YTHDC2: variants seen among roughly 807,000 people sequenced by gnomAD.
YTHDC2 encodes the protein 3'-5' RNA helicase YTHDC2.
In YTHDC2, 45 loss-of-function variants were observed where a neutral mutation model predicts 174.9. The ratio of observed to expected loss-of-function variants is 0.26; its 90% CI spans 0.20 to 0.33. The LOEUF is 0.33. YTHDC2 is among the 10% of genes least tolerant of loss of function. YTHDC2 has a pLI of 1.00. For missense variants in YTHDC2, 1,650 were observed against 1,723.7 expected (o/e 0.96, Z 0.76); for synonymous variants, 657 against 574.5 (o/e 1.14, Z -2.05).
intron 26 of YTHDC2, among the ~76,000 whole-genome samples, chr5:113,586,461 G>T (rs199939983): frequency 6.6e-6 from 1 of 151,968 alleles, no homozygotes; most frequent in South Asian, 2.1e-4. Flanking sequence ...TATGTGGCTT[G>T]TCTTTCCATT....
At chr5:113,548,462 A>G in intron 10 of YTHDC2, 79 bp from the exon 11 acceptor site, 2 of 1,389,858 alleles carry the variant, frequency 1.4e-6, no homozygotes, top group South Asian at 1.4e-5. Flanking sequence ...CAGTTCTGCT[A>G]TTTCAGATTT....
At chr5:113,562,024 C>T (rs1003877646) in intron 18 of YTHDC2, among the ~76,000 whole-genome samples, 1 of 144,070 alleles carries the variant, frequency 6.9e-6, no homozygotes, top group Non-Finnish European at 1.5e-5. Flanking sequence ...CTTCATGGAA[C>T]AGCCAGACCC....
rs141462708 is a variant in YTHDC2 at position 113,533,296 on chromosome 5, A to G, written c.842+251A>G. ...GGTGGCTCATGCCTGTAGTCCCAGT[A>G]CTTTGGGAGGCCGAGGCGGGTGGAT... On this transcript the variant is annotated intron_variant, in intron 5 of 29. Transcript: ENST00000161863. Among the ~76,000 whole-genome samples the G allele has an allele frequency of 8.5e-3, 1,292 of 152,168 alleles. 20 individuals are homozygous for G. Among genetic ancestry groups the G allele is most frequent in the African/African-American group, 0.03 (1,242 of 41,518 alleles).
Position 113,578,145 on chromosome 5 carries a change from C to CT in YTHDC2, c.3245-1437dup, listed in dbSNP as rs576547678. 2.9e-3 allele frequency among the ~76,000 whole-genome samples: 439 copies of CT among 152,042 alleles called. 3 individuals carry two copies. Among genetic ancestry groups the CT allele is most frequent in the African/African-American group, 9.9e-3 (410 of 41,494 alleles). ...AATGTTAATTTTAATAAAAGTGTCCCTTTTAAATAACGGAATAGTGTTTGT... is the reference window on the plus strand; with the variant it reads ...AATGTTAATTTTAATAAAAGTGTCCCTTTTTAAATAACGGAATAGTGTTTGT... On this transcript the variant is annotated intron_variant, in intron 23 of 29. Coordinates refer to ENST00000161863, the MANE Select transcript of YTHDC2 (RefSeq NM_022828.5).
intron 26 of YTHDC2, among the ~76,000 whole-genome samples, chr5:113,586,982 TAA>T (rs1181236661): frequency 0.039 from 635 of 16,126 alleles, 31 homozygotes; most frequent in African/African-American, 0.11. Context: ...TATTCATATA[TAA>T]TATATAAATA....
chr5:113,553,987 G>A lies in YTHDC2; in HGVS notation c.2098G>A (p.Val700Ile), dbSNP rs1265552244. The A allele has an allele frequency of 1.3e-6, 2 of 1,577,860 alleles. No homozygotes were observed. The change falls in exon 16 of 30, where the codon GTT (valine) becomes ATT (isoleucine). Residue 700 changes from valine to isoleucine, a missense_variant. Around this residue, in one of 5 missense-constraint regions of YTHDC2, gnomAD observed 913 missense variants for 940.4 expected, o/e 0.97. Transcript: ENST00000161863. ...IAETSITVND[V>I]VFVIDSGKVK... The stretch of plus-strand genomic sequence containing the variant: ...TGAAACCAGCATCACAGTCAATGAT[G>A]TTGTCTTTGTTATTGATTCTGGTAA...
rs141889178 is a variant in YTHDC2 at position 113,592,282 on chromosome 5, C to T, written c.4212+104C>T. Reference sequence around the variant, plus strand: ...AATGTAAGAGTACAAATTTTATATTCCATATGCACATGGGAAACAGGGGTT... The same window carrying T: ...AATGTAAGAGTACAAATTTTATATTTCATATGCACATGGGAAACAGGGGTT... On this transcript the variant is annotated intron_variant, in intron 28 of 29. Coordinates refer to ENST00000161863, the MANE Select transcript of YTHDC2 (RefSeq NM_022828.5). 247 of 1,156,876 alleles carry T rather than the reference C, an allele frequency of 2.1e-4. No individual in the cohort carries two copies. In the Middle Eastern group the frequency reaches 3.8e-3, roughly 18 times the overall value. The allele number at this position is 1,156,876 out of a possible 1,614,324, so 71.7% of individuals were successfully genotyped here. A position where few individuals can be genotyped will look rare whatever the true frequency, so the allele number is the denominator to read the frequency against.
intron 25 of YTHDC2, chr5:113,582,351 A>G (rs1008429243): frequency 2.0e-5 from 3 of 152,182 alleles, no homozygotes; most frequent in African/African-American, 7.2e-5. Context: ...TTCTTTTGCA[A>G]TTAAATGTGG....
At chr5:113,549,626 C>A (rs1370529325) in intron 12 of YTHDC2, among the ~76,000 whole-genome samples, 1 of 152,092 alleles carries the variant, frequency 6.6e-6, no homozygotes, top group East Asian at 1.9e-4. Flanking sequence ...GAACACAAAT[C>A]TTTGTTCAGA....
intron 2 of YTHDC2, among the ~76,000 whole-genome samples, chr5:113,518,802 G>C (rs188816913): frequency 6.6e-6 from 1 of 151,922 alleles, no homozygotes; most frequent in East Asian, 1.9e-4. Context: ...TTTTCTTTTT[G>C]ATACTCTTTC....
chr5:113,538,153 G>C (rs971593064), intron 7 of YTHDC2, among the ~76,000 whole-genome samples: 2 of 143,258 alleles, frequency 1.4e-5, no homozygotes, highest in Non-Finnish European at 3.0e-5. Context: ...CCTAGCTCTA[G>C]AATTTGTCTG....
intron 7 of YTHDC2, among the ~76,000 whole-genome samples, chr5:113,538,550 T>C (rs915930752): frequency 2.6e-5 from 4 of 152,182 alleles, no homozygotes; most frequent in Non-Finnish European, 4.4e-5. Flanking sequence ...TTTTTCATCA[T>C]CATTATACAC....
Position 113,581,429 on chromosome 5 carries a change from T to C in YTHDC2, c.3367T>C (p.Leu1123=), listed in dbSNP as rs534426909. 6.2e-7 allele frequency: 1 copy of C among 1,603,270 alleles called. No individual in the cohort carries two copies. The highest frequency in any genetic ancestry group is 1.7e-5 in the Admixed American group (1 of 57,558). ...FTLEPEAASL[L]LQLRQKWHSL... ...TGAACTATTACAGGCAGCTAGTTTA[T>C]TGCTGCAGCTCAGACAGAAGTGGCA... Residue 1123 remains leucine (L), a synonymous_variant, in exon 25 of 30, where the codon TTG becomes CTG. Transcript: ENST00000161863.
chr5:113,579,797 A>G (rs915851629), intron 24 of YTHDC2, 102 bp downstream of exon 24: 6 of 1,330,986 alleles, frequency 4.5e-6, no homozygotes, highest in Non-Finnish European at 5.8e-6. Flanking sequence ...AGCCCTTAGT[A>G]TCAGAGAATA....
At chr5:113,568,522 C>T (rs1777503403) in intron 23 of YTHDC2, among the ~76,000 whole-genome samples, 1 of 152,146 alleles carries the variant, frequency 6.6e-6, no homozygotes. Flanking sequence ...TCTCCCTACC[C>T]TCTACCACAC....
At chr5:113,525,762 A>G (rs545135364) in intron 3 of YTHDC2, among the ~76,000 whole-genome samples, 1 of 152,276 alleles carries the variant, frequency 6.6e-6, no homozygotes, top group South Asian at 2.1e-4. Flanking sequence ...TAATTTTACT[A>G]TTTGGAAAGA....
chr5:113,576,230 AAG>A (rs1437863695), intron 23 of YTHDC2, among the ~76,000 whole-genome samples: 7 of 152,138 alleles, frequency 4.6e-5, no homozygotes, highest in Admixed American at 3.3e-4. Flanking sequence ...GGATTTCTTA[AAG>A]AGAATATATA....
chr5:113,591,792 C>G (rs1353408313), intron 27 of YTHDC2, among the ~76,000 whole-genome samples: 1 of 151,918 alleles, frequency 6.6e-6, no homozygotes, highest in East Asian at 1.9e-4. Context: ...TGTTAGGAGG[C>G]TAGAACTGTT....
chr5:113,556,069 G>C lies in YTHDC2; in HGVS notation c.2151G>C (p.Leu717=). The C allele has an allele frequency of 6.2e-7, 1 of 1,604,160 alleles. No individual in the cohort carries two copies. Among genetic ancestry groups the C allele is most frequent in the Non-Finnish European group, 8.5e-7 (1 of 1,172,550 alleles). Residue 717 remains leucine, a synonymous_variant, in exon 17 of 30, where the codon CTG becomes CTC. Transcript: ENST00000161863. ...GKVKEKSFDA[L]NFVTMLKMVW... ...TATTACAGAAATCCTTTGATGCTCT[G>C]AATTTTGTTACAATGTTAAAAATGG...
Sources: allele counts gnomAD v4.1 joint callset (sites outside exome capture counted in the v4.1 genomes callset), GRCh38; gene constraint gnomAD v4.1.1; regional missense constraint gnomAD v4.1.1; transcripts MANE v1.5; gene names NCBI Gene and HGNC (gene_info 2026-07-23, HGNC 2026-07-21).